Variants in PTPRT observed in about 807,000 individuals in gnomAD.
PTPRT encodes the protein protein tyrosine phosphatase receptor type T.
Under a neutral mutation model 176.8 loss-of-function variants are expected in PTPRT, and 56 were observed. That is an observed-to-expected ratio of 0.32 (90% CI 0.26 to 0.40). The LOEUF (loss-of-function observed/expected upper bound fraction) is 0.40, where lower values mean the gene tolerates loss of function less well. PTPRT is among the 10% of genes least tolerant of loss of function. The probability of loss-of-function intolerance (pLI) is 1.00; values close to 1 mark genes in which losing one functional copy is unlikely to be tolerated. For missense variants in PTPRT, 1,540 were observed against 1,908.2 expected (o/e 0.81, Z 3.60); for synonymous variants, 783 against 739.0 (o/e 1.06, Z -0.96).
At chr20:42,718,008 C>T (rs1255109125) in intron 6 of PTPRT, among the ~76,000 whole-genome samples, 3 of 152,218 alleles carry the variant, frequency 2.0e-5, no homozygotes, top group African/African-American at 7.2e-5. Flanking sequence ...ACAGACAACA[C>T]CAATATGCAA....
the PTPRT span, among the ~76,000 whole-genome samples, chr20:42,054,742 G>A: frequency 6.4e-4 from 97 of 152,212 alleles, no homozygotes; most frequent in Non-Finnish European, 1.2e-3. Context: ...TTCATAGAAG[G>A]TCTACTCAGC....
At chr20:42,041,056 C>T in the PTPRT span, among the ~76,000 whole-genome samples, 2 of 152,194 alleles carry the variant, frequency 1.3e-5, no homozygotes, top group Admixed American at 1.3e-4. Context: ...TCACATAGGA[C>T]TCCTAGCTTC....
intron 2 of PTPRT, among the ~76,000 whole-genome samples, chr20:42,867,608 T>G (rs1489022792): frequency 6.6e-6 from 1 of 151,726 alleles, no homozygotes; most frequent in Non-Finnish European, 1.5e-5. Context: ...CTGAGCCTGC[T>G]GGCACCTTGA....
At chr20:42,359,697 T>C (rs2058405576) in intron 9 of PTPRT, among the ~76,000 whole-genome samples, 1 of 152,198 alleles carries the variant, frequency 6.6e-6, no homozygotes, top group Admixed American at 6.5e-5. Context: ...CAGCAACGCC[T>C]CTGAACAGCA....
At chr20:42,046,791 G>GTGTGTC in the PTPRT span, among the ~76,000 whole-genome samples, 3 of 152,046 alleles carry the variant, frequency 2.0e-5, no homozygotes, top group Non-Finnish European at 4.4e-5. Flanking sequence ...GTGTGTGTGT[G>GTGTGTC]TGTGTCTGTG....
intron 7 of PTPRT, among the ~76,000 whole-genome samples, chr20:42,604,420 A>G (rs6102931): frequency 0.28 from 42,167 of 151,868 alleles, 8,468 homozygotes; most frequent in African/African-American, 0.57. Flanking sequence ...TTGGATCCCC[A>G]GGAGCTCATG....
chr20:43,083,320 G>GTGTGTATATATATATATA (rs1299320498), intron 1 of PTPRT, among the ~76,000 whole-genome samples: 6 of 37,386 alleles, frequency 1.6e-4, no homozygotes, highest in East Asian at 5.9e-4. Context: ...CACTTCAAAT[G>GTGTGTATATATATATATA]TATATATATA....
chr20:42,311,378 A>G (rs902605987), intron 12 of PTPRT, among the ~76,000 whole-genome samples: 2 of 152,188 alleles, frequency 1.3e-5, no homozygotes, highest in African/African-American at 2.4e-5. Context: ...CACTCTGTTA[A>G]CCTGACAAAC....
intron 15 of PTPRT, among the ~76,000 whole-genome samples, chr20:42,214,213 G>A (rs1045716647): frequency 3.3e-5 from 5 of 152,116 alleles, no homozygotes; most frequent in Non-Finnish European, 7.3e-5. Context: ...GTTATGTCAC[G>A]CTTAGGCAAA....
intron 1 of PTPRT, among the ~76,000 whole-genome samples, chr20:43,165,309 C>T (rs1014587580): frequency 5.9e-5 from 9 of 152,112 alleles, no homozygotes; most frequent in Non-Finnish European, 8.8e-5. Flanking sequence ...CAGGCGCCTG[C>T]CACAATCATG....
chr20:42,666,759 A>C (rs1467805067), intron 7 of PTPRT, among the ~76,000 whole-genome samples: 1 of 152,208 alleles, frequency 6.6e-6, no homozygotes, highest in Non-Finnish European at 1.5e-5. Context: ...CTTACACTTA[A>C]GTGTTTATAC....
chr20:42,706,691 T>C (rs1383523305), intron 6 of PTPRT, among the ~76,000 whole-genome samples: 1 of 152,194 alleles, frequency 6.6e-6, no homozygotes, highest in Non-Finnish European at 1.5e-5. Context: ...CTGAAACTAT[T>C]ACAGAATCAA....
chr20:42,190,030 A>T (rs138223873), intron 16 of PTPRT, among the ~76,000 whole-genome samples: 1 of 152,190 alleles, frequency 6.6e-6, no homozygotes, highest in Non-Finnish European at 1.5e-5. Flanking sequence ...CAGGAACTTA[A>T]TAAGTGTGTC....
At chr20:42,575,158 A>T (rs1425574118) in intron 7 of PTPRT, among the ~76,000 whole-genome samples, 1 of 152,100 alleles carries the variant, frequency 6.6e-6, no homozygotes, top group South Asian at 2.1e-4. Context: ...GATGGGGGTA[A>T]CACACACATA....
intron 1 of PTPRT, among the ~76,000 whole-genome samples, chr20:42,982,512 G>A (rs531080831): frequency 2.0e-5 from 3 of 152,248 alleles, no homozygotes; most frequent in Non-Finnish European, 2.9e-5. Flanking sequence ...AGATCTAAGC[G>A]TATAAAAAAA....
At chr20:43,187,081 T>C (rs2015412696) in intron 1 of PTPRT, among the ~76,000 whole-genome samples, 5 of 152,196 alleles carry the variant, frequency 3.3e-5, no homozygotes, top group Admixed American at 3.3e-4. Flanking sequence ...GCTCAAGAAA[T>C]ATGTCTTAGA....
At chr20:42,628,265 G>C (rs1569031239) in intron 7 of PTPRT, among the ~76,000 whole-genome samples, 1 of 152,234 alleles carries the variant, frequency 6.6e-6, no homozygotes. Flanking sequence ...GCTCCTCAGT[G>C]GGACAGGGGA....
At chr20:42,375,708 T>G (rs1287237903) in intron 9 of PTPRT, among the ~76,000 whole-genome samples, 2 of 146,352 alleles carry the variant, frequency 1.4e-5, no homozygotes, top group Admixed American at 1.3e-4. Context: ...AAATGAGATA[T>G]AGATAGATGG....
chr20:42,640,154 G>C (rs2074707754), intron 7 of PTPRT, among the ~76,000 whole-genome samples: 2 of 152,124 alleles, frequency 1.3e-5, no homozygotes, highest in South Asian at 4.1e-4. Context: ...AAATGGGCAT[G>C]TTGCACCTTG....
Sources: gnomAD v4.1 joint callset for allele counts (sites outside exome capture counted in the v4.1 genomes callset) on GRCh38, gnomAD v4.1.1 for gene constraint, MANE v1.5 for transcripts, NCBI Gene and HGNC (gene_info 2026-07-23, HGNC 2026-07-21) for gene names.